Variants in SEC61A2 observed in about 807,000 individuals in gnomAD.
SEC61A2 encodes protein transport protein Sec61 subunit alpha isoform 2.
In SEC61A2, 28 loss-of-function variants were observed where a neutral mutation model predicts 59.9. The observed-to-expected ratio is 0.47, with a 90% CI of 0.35 to 0.64. The LOEUF is 0.64. SEC61A2 is among the 30% of genes least tolerant of loss of function. SEC61A2 has a pLI of 0.01. For synonymous variants in SEC61A2, 202 were observed against 214.4 expected (o/e 0.94, Z 0.50); for missense variants, 340 against 585.9 (o/e 0.58, Z 4.33).
rs781737456 is a variant in SEC61A2, at chr10:12,164,628, C to A, written c.*174C>A. ...TAAGTCTGTGTGCAGCATTAGTACC[C>A]GCTGCCTTAAAACTCAAGTTTACAT... On this transcript the variant is annotated 3_prime_UTR_variant, in exon 12 of 12. Transcript: ENST00000298428. The surrounding 1 kb of genome is among the most constrained non-coding windows in gnomAD (Gnocchi z 7.3). 7.2e-7 allele frequency: 1 copy of A among 1,396,540 alleles called. No individual in the cohort carries two copies. The highest frequency in any genetic ancestry group is 9.2e-7 in the Non-Finnish European group (1 of 1,082,498). The allele number at this position is 1,396,540 out of a possible 1,614,324, so 86.5% of individuals were successfully genotyped here.
At position 12,158,958 on chromosome 10, in the gene SEC61A2, A is replaced by G. The variant is rs1205907559; in HGVS notation, c.975+853A>G. On this transcript the variant is annotated intron_variant, in intron 9 of 11. Transcript: ENST00000298428. The surrounding 1 kb of genome is among the most constrained non-coding windows in gnomAD (Gnocchi z 5.7). ...TATAATCCTATACATTCTCATATAC[A>G]TCCCCCATCATAATTTTTTTTTCTT... is the stretch of plus-strand genomic sequence containing the variant. Among the ~76,000 whole-genome samples, 1 of 150,388 alleles carries G rather than the reference A, an allele frequency of 6.6e-6. No homozygotes were observed. Among genetic ancestry groups the G allele is most frequent in the Non-Finnish European group, 1.5e-5 (1 of 67,712 alleles).
chr10:12,157,205 C>G, intron 8 of SEC61A2, 138 bp downstream of exon 8: 1 of 775,598 alleles, frequency 1.3e-6, no homozygotes. Context: ...ATTAGAGTCT[C>G]CAGACTCTGA....
Position 12,155,941 on chromosome 10 carries a change from A to G in SEC61A2, c.616+10A>G. The stretch of plus-strand genomic sequence containing the variant: ...ATTAACACTGGCAGAGGTACATCGC[A>G]CAGCGACTGCAACTGCACGCGTTTT... On this transcript the variant is annotated intron_variant, in intron 7 of 11. Coordinates refer to ENST00000298428, the MANE Select transcript of SEC61A2 (RefSeq NM_018144.4). The surrounding 1 kb of genome is among the most constrained non-coding windows in gnomAD (Gnocchi z 4.3). 1 of 1,614,118 alleles carries G rather than the reference A, an allele frequency of 6.2e-7. No individual in the cohort carries two copies. Among genetic ancestry groups the G allele is most frequent in the South Asian group, 1.1e-5 (1 of 91,086 alleles).
chr10:12,147,698 A>AC (rs1348410792), intron 4 of SEC61A2, among the ~76,000 whole-genome samples: 2 of 151,868 alleles, frequency 1.3e-5, no homozygotes, highest in African/African-American at 4.8e-5. Flanking sequence ...AAAAAAAAAA[A>AC]AATTTCTATA....
Position 12,164,713 on chromosome 10 carries a change from C to G in SEC61A2, c.*259C>G. ...TAATGCTGGAAACCAGTGTATCTAC[C>G]TTGCTGTGTTAAATCATGACAGTGA... On this transcript the variant is annotated 3_prime_UTR_variant, in exon 12 of 12. Transcript: ENST00000298428. This position sits in a 1 kb window ranked among gnomAD's most constrained non-coding sequence, Gnocchi z 7.3. 8.1e-7 allele frequency: 1 copy of G among 1,241,450 alleles called. No individual in the cohort carries two copies. The highest frequency in any genetic ancestry group is 1.0e-6 in the Non-Finnish European group (1 of 991,356). 76.9% of individuals were successfully genotyped at this position (1,241,450 alleles called of 1,614,324 possible).
At chr10:12,166,990 C>G (rs1834714788), downstream of SEC61A2, 3 of 216,526 alleles carry the variant, frequency 1.4e-5, no homozygotes, top group Non-Finnish European at 9.6e-6. Context: ...TCAGAAACTT[C>G]AAGTACTCTT....
At chr10:12,168,285 A>C (rs750068549), downstream of SEC61A2, among the ~76,000 whole-genome samples, 2 of 152,140 alleles carry the variant, frequency 1.3e-5, no homozygotes, top group African/African-American at 4.8e-5. The surrounding 1 kb of genome is among the most constrained non-coding windows in gnomAD (Gnocchi z 4.8). Flanking sequence ...CAGCCTCCCA[A>C]AGTGCTGGGA....
At chr10:12,168,376 C>T (rs546800530), downstream of SEC61A2, among the ~76,000 whole-genome samples, 11 of 152,126 alleles carry the variant, frequency 7.2e-5, no homozygotes, top group Non-Finnish European at 1.3e-4. The surrounding 1 kb of genome is among the most constrained non-coding windows in gnomAD (Gnocchi z 4.8). Flanking sequence ...TAGAGCCAAT[C>T]GCTATACCTC....
At position 12,160,895 on chromosome 10, in the gene SEC61A2, GT is replaced by G. The variant is rs762945974; in HGVS notation, c.976-33del. Reference sequence around the variant, plus strand: ...TGCAAATGTATTCCTGACTAATTAGGTTGACCACTTGTTCTTTGTACTCCTG... The same window carrying G: ...TGCAAATGTATTCCTGACTAATTAGGTGACCACTTGTTCTTTGTACTCCTG... On this transcript the variant is annotated intron_variant, in intron 9 of 11. Transcript: ENST00000298428. This position sits in a 1 kb window ranked among gnomAD's most constrained non-coding sequence, Gnocchi z 4.1. The G allele has an allele frequency of 3.8e-6, 6 of 1,559,708 alleles. No homozygotes were observed. In the East Asian group the frequency reaches 1.4e-4, roughly 36 times the overall value.
In SEC61A2 at chr10:12,165,269, A is replaced by C; in HGVS notation, c.*815A>C. Reference sequence around the variant, plus strand: ...GTCTGTAGTTCAGTGGGGGTGAACAATGAATATATTCATGCTAGGAATTTG... The same window carrying C: ...GTCTGTAGTTCAGTGGGGGTGAACACTGAATATATTCATGCTAGGAATTTG... On this transcript the variant is annotated 3_prime_UTR_variant, in exon 12 of 12. Coordinates refer to ENST00000298428, the MANE Select transcript of SEC61A2 (RefSeq NM_018144.4). The C allele has an allele frequency of 1.0e-6, 1 of 985,464 alleles. No individual in the cohort carries two copies. The highest frequency in any genetic ancestry group is 4.7e-5 in the South Asian group (1 of 21,288). The allele number at this position is 985,464 out of a possible 1,614,324, so 61.0% of individuals were successfully genotyped here.
chr10:12,165,570 T>C (rs1834652029), downstream of SEC61A2: 1 of 161,886 alleles, frequency 6.2e-6, no homozygotes, highest in Non-Finnish European at 1.3e-5. Context: ...GTGACTAACA[T>C]TTGGGAGGAA....
At chr10:12,157,126 G>C in intron 8 of SEC61A2, 59 bp downstream of exon 8, 1 of 1,512,132 alleles carries the variant, frequency 6.6e-7, no homozygotes, top group Non-Finnish European at 9.1e-7. Context: ...TGCTCTTAAA[G>C]AGAATGCCAT....
At chr10:12,150,329 G>A (rs1834244092) in intron 6 of SEC61A2, among the ~76,000 whole-genome samples, 1 of 152,228 alleles carries the variant, frequency 6.6e-6, no homozygotes, top group South Asian at 2.1e-4. Flanking sequence ...GGTCTGCCAG[G>A]AGGCAGTCAT....
chr10:12,160,868 C>CA lies in SEC61A2; in HGVS notation c.976-61dup. On this transcript the variant is annotated intron_variant, in intron 9 of 11. Transcript: ENST00000298428. The surrounding 1 kb of genome is among the most constrained non-coding windows in gnomAD (Gnocchi z 4.1). ...GTCATTTCTGAGAAGTTTGAAGTGA[C>CA]ATGCAAATGTATTCCTGACTAATTA... is the stretch of plus-strand genomic sequence containing the variant. The CA allele has an allele frequency of 7.2e-7, 1 of 1,380,940 alleles. No homozygotes were observed. The highest frequency in any genetic ancestry group is 1.5e-5 in the African/African-American group (1 of 68,898). 85.5% of individuals were successfully genotyped at this position (1,380,940 alleles called of 1,614,324 possible). A position where few individuals can be genotyped will look rare whatever the true frequency, so the allele number is the denominator to read the frequency against.
downstream of SEC61A2, chr10:12,169,441 T>C (rs543113774): frequency 4.3e-5 from 32 of 735,962 alleles, no homozygotes; most frequent in South Asian, 6.0e-4. The surrounding 1 kb of genome is among the most constrained non-coding windows in gnomAD (Gnocchi z 4.8). Flanking sequence ...CGAGAGAGGC[T>C]ACAGAACCTG....
intron 6 of SEC61A2, among the ~76,000 whole-genome samples, chr10:12,151,778 C>T (rs367618983): frequency 3.3e-5 from 5 of 152,026 alleles, no homozygotes; most frequent in African/African-American, 9.7e-5. Flanking sequence ...ATTTTTGAGA[C>T]GGAGTTTCAC....
chr10:12,134,190 G>T (rs907426369), intron 2 of SEC61A2, among the ~76,000 whole-genome samples: 1 of 152,120 alleles, frequency 6.6e-6, no homozygotes, highest in Non-Finnish European at 1.5e-5. Context: ...TGTATTTTTA[G>T]TAGAGACGGG....
At chr10:12,138,029 A>G (rs1363671614) in intron 3 of SEC61A2, among the ~76,000 whole-genome samples, 2 of 152,052 alleles carry the variant, frequency 1.3e-5, no homozygotes, top group Non-Finnish European at 2.9e-5. Context: ...ACATAGATAC[A>G]TACATACATA....
At chr10:12,166,536 G>C (rs868651178), downstream of SEC61A2, 1 of 311,928 alleles carries the variant, frequency 3.2e-6, no homozygotes, top group South Asian at 2.7e-5. Context: ...CTCAGACAGT[G>C]AGCCTGTGGA....
Sources: gnomAD v4.1 joint callset for allele counts (sites outside exome capture counted in the v4.1 genomes callset) on GRCh38, gnomAD v4.1.1 for gene constraint, Gnocchi (gnomAD v3.1) non-coding constraint, MANE v1.5 for transcripts, NCBI Gene and HGNC (gene_info 2026-07-23, HGNC 2026-07-21) for gene names.